Variants in CBFA2T2 observed in about 807,000 individuals in gnomAD.
The protein encoded by CBFA2T2 is CBFA2/RUNX1 partner transcriptional co-repressor 2, also known as protein CBFA2T2.
A neutral mutation model predicts 62.2 loss-of-function variants in CBFA2T2; 11 were observed. That is an observed-to-expected ratio of 0.18 (90% CI 0.11 to 0.29). The LOEUF is 0.29. CBFA2T2 is among the 10% of genes least tolerant of loss of function. The probability of loss-of-function intolerance (pLI) is 1.00; values close to 1 mark genes in which losing one functional copy is unlikely to be tolerated. For synonymous variants in CBFA2T2, 295 were observed against 287.5 expected (o/e 1.03, Z -0.27); for missense variants, 592 against 774.1 (o/e 0.76, Z 2.79).
At chr20:33,498,661 A>C (rs2011231391) in intron 1 of CBFA2T2, among the ~76,000 whole-genome samples, 1 of 152,034 alleles carries the variant, frequency 6.6e-6, no homozygotes, top group Admixed American at 6.6e-5. Flanking sequence ...AGGTAGGAGG[A>C]TCGCTTGAGC....
At chr20:33,616,131 A>G (rs62209601) in intron 3 of CBFA2T2, among the ~76,000 whole-genome samples, 193 of 146,862 alleles carry the variant, frequency 1.3e-3, no homozygotes, top group African/African-American at 2.4e-3. Context: ...ATAGATAGAT[A>G]GATGACAGAG....
chr20:33,603,054 T>G (rs147735283), intron 1 of CBFA2T2, among the ~76,000 whole-genome samples: 1 of 152,210 alleles, frequency 6.6e-6, no homozygotes, highest in African/African-American at 2.4e-5. Flanking sequence ...TTAAAACTTA[T>G]GAATTGTTTA....
At chr20:33,509,063 A>G (rs1177468958) in intron 1 of CBFA2T2, among the ~76,000 whole-genome samples, 1 of 152,210 alleles carries the variant, frequency 6.6e-6, no homozygotes, top group Non-Finnish European at 1.5e-5. Context: ...ATGCCAGTTA[A>G]ATATTACAAT....
rs750954599 is a variant in CBFA2T2, at chr20:33,644,453, G to A, written c.1595G>A (p.Arg532His). Residue 532 changes from arginine to histidine, a missense_variant, in exon 11 of 11, where the codon CGC becomes CAC. Coordinates refer to ENST00000342704, the MANE Select transcript of CBFA2T2 (RefSeq NM_001032999.3). ...CQHKDWERHH[R>H]LCGQNLHGQS... ...CACAAGGACTGGGAGCGGCACCACCGCCTCTGTGGTCAGAACCTGCATGGC... is the reference window on the plus strand; with the variant it reads ...CACAAGGACTGGGAGCGGCACCACCACCTCTGTGGTCAGAACCTGCATGGC... 9 of 1,614,084 alleles carry A rather than the reference G, an allele frequency of 5.6e-6. No individual in the cohort carries two copies. Among genetic ancestry groups the A allele is most frequent in the South Asian group, 3.3e-5 (3 of 91,094 alleles).
At chr20:33,526,482 G>A (rs1268261576) in intron 1 of CBFA2T2, among the ~76,000 whole-genome samples, 1 of 152,110 alleles carries the variant, frequency 6.6e-6, no homozygotes, top group Non-Finnish European at 1.5e-5. Flanking sequence ...TCATTCATCA[G>A]TTGATGGATT....
chr20:33,502,659 T>C (rs2011311338), intron 1 of CBFA2T2, among the ~76,000 whole-genome samples: 1 of 151,336 alleles, frequency 6.6e-6, no homozygotes, highest in African/African-American at 2.4e-5. Context: ...TGCCTCGACC[T>C]CCCAAAGTGC....
intron 1 of CBFA2T2, among the ~76,000 whole-genome samples, chr20:33,498,483 C>T (rs2011228824): frequency 6.6e-6 from 1 of 151,304 alleles, no homozygotes; most frequent in African/African-American, 2.4e-5. Context: ...GAACTCCTGA[C>T]CTCAGGTCAT....
At chr20:33,553,078 A>G (rs1010799488) in intron 1 of CBFA2T2, among the ~76,000 whole-genome samples, 23 of 152,168 alleles carry the variant, frequency 1.5e-4, no homozygotes, top group African/African-American at 5.3e-4. Context: ...TGATAATTAC[A>G]TTACTTTTCT....
intron 1 of CBFA2T2, among the ~76,000 whole-genome samples, chr20:33,539,683 T>G (rs1459188734): frequency 1.3e-5 from 2 of 149,700 alleles, no homozygotes; most frequent in East Asian, 1.9e-4. Context: ...TTTTTGTTTT[T>G]TGTGTTTTTT....
At chr20:33,495,841 T>G (rs192461953) in intron 1 of CBFA2T2, among the ~76,000 whole-genome samples, 107 of 152,330 alleles carry the variant, frequency 7.0e-4, no homozygotes, top group African/African-American at 2.3e-3. Context: ...GCAGTTCATT[T>G]TCCTCATCTG....
intron 1 of CBFA2T2, chr20:33,562,790 A>T (rs1182912540): frequency 7.4e-6 from 4 of 541,442 alleles, no homozygotes; most frequent in Non-Finnish European, 9.4e-6. Flanking sequence ...TTGATACAAG[A>T]GTTCAGCCTT....
chr20:33,607,974 A>G (rs2122290441), intron 2 of CBFA2T2, among the ~76,000 whole-genome samples: 1 of 152,352 alleles, frequency 6.6e-6, no homozygotes, highest in Middle Eastern at 3.4e-3. Flanking sequence ...ACCCACCAGG[A>G]TGTTCAAAAT....
At position 33,611,162 on chromosome 20, in the gene CBFA2T2, A is replaced by C. The variant is rs781603913; in HGVS notation, c.247A>C (p.Asn83His). The C allele has an allele frequency of 6.2e-7, 1 of 1,614,176 alleles. No individual in the cohort carries two copies. The highest frequency in any genetic ancestry group is 8.5e-7 in the Non-Finnish European group (1 of 1,180,018). Residue 83 changes from asparagine (N) to histidine (H), a missense_variant, in exon 3 of 11, where the codon AAT (asparagine) becomes CAT (histidine). Coordinates refer to ENST00000342704, the MANE Select transcript of CBFA2T2 (RefSeq NM_001032999.3). ...GAPSPPQRFS[N>H]GPASSTSSAL... ...CCCATCACCGCCACAGAGATTCAGCAATGGTCCTGCCTCCTCCACATCATC... is the reference window on the plus strand; with the variant it reads ...CCCATCACCGCCACAGAGATTCAGCCATGGTCCTGCCTCCTCCACATCATC...
rs1332481483 is a variant in CBFA2T2, at chr20:33,644,791, A to G, written c.*145A>G. ...CAGGAAGAGTCCAAGCCTGAATAAT[A>G]ACACCCCACAGCCTCTCTGTGCACT... is the stretch of plus-strand genomic sequence containing the variant. On this transcript the variant is annotated 3_prime_UTR_variant, in exon 11 of 11. Transcript: ENST00000342704. The G allele has an allele frequency of 7.4e-6, 6 of 806,086 alleles. No homozygotes were observed. The highest frequency in any genetic ancestry group is 9.6e-6 in the Non-Finnish European group (5 of 519,572). 49.9% of individuals were successfully genotyped at this position (806,086 alleles called of 1,614,324 possible). A position where few individuals can be genotyped will look rare whatever the true frequency, so the allele number is the denominator to read the frequency against.
intron 1 of CBFA2T2, among the ~76,000 whole-genome samples, chr20:33,492,412 A>C (rs1476366347): frequency 7.0e-6 from 1 of 142,332 alleles, no homozygotes; most frequent in Non-Finnish European, 1.5e-5. Flanking sequence ...ACTTGCTTTC[A>C]CTTAAAAAAA....
chr20:33,602,157 AG>A (rs1346799670), intron 1 of CBFA2T2, among the ~76,000 whole-genome samples: 1 of 152,096 alleles, frequency 6.6e-6, no homozygotes, highest in African/African-American at 2.4e-5. Context: ...ACCATGTGAG[AG>A]TATCTGCTGT....
chr20:33,552,575 G>A (rs1555834507), intron 1 of CBFA2T2, among the ~76,000 whole-genome samples: 1 of 152,136 alleles, frequency 6.6e-6, no homozygotes, highest in South Asian at 2.1e-4. Flanking sequence ...TTTGAGCATT[G>A]TTAAACACTG....
intron 1 of CBFA2T2, among the ~76,000 whole-genome samples, chr20:33,553,590 C>T (rs921335625): frequency 1.3e-5 from 2 of 152,158 alleles, no homozygotes; most frequent in South Asian, 2.1e-4. Context: ...GTGGGCCACA[C>T]GATCTCTGTC....
At chr20:33,581,941 C>T (rs1270512768) in intron 1 of CBFA2T2, among the ~76,000 whole-genome samples, 5 of 152,116 alleles carry the variant, frequency 3.3e-5, no homozygotes, top group Admixed American at 6.5e-5. Context: ...TCTTAGTTTT[C>T]GGCTGATTTT....
Sources: gnomAD v4.1 joint callset for allele counts (sites outside exome capture counted in the v4.1 genomes callset) on GRCh38, gnomAD v4.1.1 for gene constraint, MANE v1.5 for transcripts, NCBI Gene and HGNC (gene_info 2026-07-23, HGNC 2026-07-21) for gene names.